PTPRG: variants seen among roughly 807,000 people sequenced by gnomAD.
PTPRG encodes protein tyrosine phosphatase receptor type G.
PTPRG carries 102 observed loss-of-function variants against 165.3 expected under a neutral mutation model. The ratio of observed to expected loss-of-function variants is 0.62; its 90% CI spans 0.53 to 0.73. PTPRG has a LOEUF of 0.73. PTPRG is among the 30% of genes least tolerant of loss of function. PTPRG has a pLI of 0.00. For synonymous variants in PTPRG, 675 were observed against 669.5 expected (o/e 1.01, Z -0.13); for missense variants, 1,866 against 1,861.4 (o/e 1.00, Z -0.05).
intron 2 of PTPRG, among the ~76,000 whole-genome samples, chr3:61,783,671 G>A (rs2107092966): frequency 6.6e-6 from 1 of 152,142 alleles, no homozygotes; most frequent in East Asian, 1.9e-4. Flanking sequence ...GCAGCAGCAT[G>A]TTTGGTGCAG....
chr3:61,764,258 A>C (rs899084048), intron 2 of PTPRG, among the ~76,000 whole-genome samples: 3 of 152,184 alleles, frequency 2.0e-5, no homozygotes, highest in Admixed American at 2.0e-4. Flanking sequence ...AAGGTTCTGA[A>C]TCTTTGGAGA....
intron 4 of PTPRG, among the ~76,000 whole-genome samples, chr3:62,073,827 G>A (rs1701288352): frequency 6.6e-6 from 1 of 152,148 alleles, no homozygotes; most frequent in African/African-American, 2.4e-5. Context: ...GCTTCCAACT[G>A]TCAGAGTAAA....
intron 4 of PTPRG, among the ~76,000 whole-genome samples, chr3:62,029,469 A>G (rs144333875): frequency 1.2e-4 from 19 of 152,340 alleles, no homozygotes; most frequent in African/African-American, 4.1e-4. Context: ...ACGCTAAAAC[A>G]CTAGATATTA....
intron 6 of PTPRG, among the ~76,000 whole-genome samples, chr3:62,142,476 C>T (rs930911444): frequency 5.9e-5 from 9 of 152,140 alleles, no homozygotes; most frequent in South Asian, 2.1e-4. Context: ...ATGTTTTGCA[C>T]GCCTTTCTGC....
chr3:61,971,198 T>C (rs13077613), intron 2 of PTPRG, among the ~76,000 whole-genome samples: 34,879 of 152,114 alleles, frequency 0.23, 4,480 homozygotes, highest in African/African-American at 0.33. Context: ...ATTACAGGCA[T>C]CTGCCAACCA....
intron 2 of PTPRG, among the ~76,000 whole-genome samples, chr3:61,867,219 A>G (rs995607120): frequency 2.6e-5 from 4 of 152,152 alleles, no homozygotes; most frequent in Non-Finnish European, 5.9e-5. Context: ...CCTGCCTCCC[A>G]GAACCTGCGG....
intron 1 of PTPRG, among the ~76,000 whole-genome samples, chr3:61,653,553 C>G (rs1702420025): frequency 1.3e-5 from 2 of 152,016 alleles, no homozygotes; most frequent in South Asian, 2.1e-4. Flanking sequence ...CTTCAGGTAC[C>G]TTGGATAGAA....
chr3:62,281,921 T>C (rs889167279), intron 27 of PTPRG, among the ~76,000 whole-genome samples: 1 of 152,042 alleles, frequency 6.6e-6, no homozygotes, highest in African/African-American at 2.4e-5. Context: ...TGATTCAGCA[T>C]GCATACAAAT....
At chr3:62,257,503 G>A (rs915166915) in intron 16 of PTPRG, among the ~76,000 whole-genome samples, 4 of 152,142 alleles carry the variant, frequency 2.6e-5, no homozygotes, top group African/African-American at 9.7e-5. Flanking sequence ...TGAGGTAGGT[G>A]TATCTTATTG....
intron 2 of PTPRG, among the ~76,000 whole-genome samples, chr3:61,805,042 G>C (rs377319877): frequency 2.6e-5 from 4 of 152,192 alleles, no homozygotes; most frequent in Admixed American, 1.3e-4. Context: ...GGACACAGGC[G>C]CCTGAAACCC....
At chr3:62,070,286 T>G (rs761747478) in intron 4 of PTPRG, among the ~76,000 whole-genome samples, 4 of 152,250 alleles carry the variant, frequency 2.6e-5, no homozygotes, top group Non-Finnish European at 4.4e-5. Flanking sequence ...GGCTTGTATT[T>G]GCACCTTTCT....
intron 1 of PTPRG, among the ~76,000 whole-genome samples, chr3:61,621,077 G>GTGTGTGTGTGTGTA (rs1553641517): frequency 2.1e-5 from 3 of 145,018 alleles, no homozygotes; most frequent in Non-Finnish European, 3.0e-5. Flanking sequence ...GTGTGTGTGT[G>GTGTGTGTGTGTGTA]TATATTTATT....
intron 7 of PTPRG, among the ~76,000 whole-genome samples, chr3:62,166,399 C>T (rs1027468949): frequency 6.6e-6 from 1 of 151,030 alleles, no homozygotes; most frequent in African/African-American, 2.4e-5. Flanking sequence ...TGCAGTGGCA[C>T]AATCTCGGTG....
At chr3:61,866,222 A>C (rs960634364) in intron 2 of PTPRG, among the ~76,000 whole-genome samples, 4 of 152,122 alleles carry the variant, frequency 2.6e-5, no homozygotes, top group African/African-American at 9.7e-5. Flanking sequence ...CACAGGTATA[A>C]TTTTATTATA....
intron 4 of PTPRG, among the ~76,000 whole-genome samples, chr3:62,018,362 T>C (rs917672956): frequency 6.6e-6 from 1 of 152,238 alleles, no homozygotes; most frequent in African/African-American, 2.4e-5. Context: ...GCATCTTTAA[T>C]GTGGATATGA....
intron 1 of PTPRG, among the ~76,000 whole-genome samples, chr3:61,576,817 A>G (rs982662065): frequency 2.6e-5 from 4 of 152,188 alleles, no homozygotes; most frequent in Admixed American, 2.0e-4. Flanking sequence ...AAAAAAATCC[A>G]GTCTCTTGAT....
At chr3:61,763,800 T>G (rs1559599085) in intron 2 of PTPRG, among the ~76,000 whole-genome samples, 1 of 152,188 alleles carries the variant, frequency 6.6e-6, no homozygotes, top group Non-Finnish European at 1.5e-5. Flanking sequence ...AATAAAATAA[T>G]AAAGCTCCAT....
rs1278191026 is a variant in PTPRG at position 62,294,759 on chromosome 3, A to AATC, written c.*1457_*1459dup. The AATC allele has an allele frequency of 2.0e-5, 3 of 152,152 alleles. No homozygotes were observed. The highest frequency in any genetic ancestry group is 2.9e-5 in the Non-Finnish European group (2 of 68,014). The allele number at this position is 152,152 out of a possible 1,614,324, so 9.4% of individuals were successfully genotyped here. On this transcript the variant is annotated 3_prime_UTR_variant, in exon 30 of 30. Transcript: ENST00000474889. Reference sequence around the variant, plus strand: ...GAGGGACAGCTTCTGTCAAAAGTGAAATCATCACCAGAACTGGGCCTGTTA... The same window carrying AATC: ...GAGGGACAGCTTCTGTCAAAAGTGAAATCATCATCACCAGAACTGGGCCTGTTA...
intron 16 of PTPRG, among the ~76,000 whole-genome samples, chr3:62,256,175 G>A (rs1429455686): frequency 1.3e-5 from 2 of 152,066 alleles, no homozygotes; most frequent in Admixed American, 1.3e-4. Context: ...AACAAAATTG[G>A]TTACAGGGCA....
Sources: allele counts gnomAD v4.1 joint callset (sites outside exome capture counted in the v4.1 genomes callset), GRCh38; gene constraint gnomAD v4.1.1; transcripts MANE v1.5; gene names NCBI Gene and HGNC (gene_info 2026-07-23, HGNC 2026-07-21).